ADIRF: variants seen among roughly 807,000 people sequenced by gnomAD.
ADIRF encodes the protein adipogenesis factor rich in obesity.
Under a neutral mutation model 7.8 loss-of-function variants are expected in ADIRF, and 9 were observed. The ratio of observed to expected loss-of-function variants is 1.15; its 90% CI spans 0.70 to 2.01. The LOEUF (loss-of-function observed/expected upper bound fraction) is 2.01. Ranked by LOEUF, ADIRF falls within the 30% of genes most tolerant of loss-of-function variation. The probability of loss-of-function intolerance (pLI) is 0.00; values close to 1 mark genes in which losing one functional copy is unlikely to be tolerated. For synonymous variants in ADIRF, 48 were observed against 39.9 expected (o/e 1.20, Z -0.77); for missense variants, 106 against 98.1 (o/e 1.08, Z -0.34).
intron 2 of ADIRF, 43 bp downstream of exon 2, chr10:86,970,305 C>A (rs1315982917): frequency 6.7e-7 from 1 of 1,496,786 alleles, no homozygotes; most frequent in Non-Finnish European, 9.0e-7. Context: ...CAGCACACCT[C>A]CCACTCCCCG....
Position 86,970,636 on chromosome 10 carries a change from A to G in ADIRF, c.*54A>G, listed in dbSNP as rs1564741985. 2.7e-6 allele frequency: 4 copies of G among 1,464,260 alleles called. No individual in the cohort carries two copies. Among genetic ancestry groups the G allele is most frequent in the South Asian group, 2.4e-5 (2 of 82,950 alleles). The allele number at this position is 1,464,260 out of a possible 1,614,324, so 90.7% of individuals were successfully genotyped here. A position where few individuals can be genotyped will look rare whatever the true frequency, so the allele number is the denominator to read the frequency against. On this transcript the variant is annotated 3_prime_UTR_variant, in exon 3 of 3. Transcript: ENST00000372013. Reference sequence around the variant, plus strand: ...AAATGACAGCAGGGAGACTTGGGTGACCCCCCTTCCAGGCGCCATCTAGCA... The same window carrying G: ...AAATGACAGCAGGGAGACTTGGGTGGCCCCCCTTCCAGGCGCCATCTAGCA...
rs1428772445 is a variant in ADIRF, at chr10:86,970,382, G to A, written c.125-94G>A. 4 of 1,509,578 alleles carry A rather than the reference G, an allele frequency of 2.6e-6. No homozygotes were observed. The South Asian group carries it at 3.6e-5, about 14-fold the overall frequency. The allele number at this position is 1,509,578 out of a possible 1,614,324, so 93.5% of individuals were successfully genotyped here. A position where few individuals can be genotyped will look rare whatever the true frequency, so the allele number is the denominator to read the frequency against. On this transcript the variant is annotated intron_variant, in intron 2 of 2. Transcript: ENST00000372013. ...GAGCCCTCTGTCCACAATGCCCCAA[G>A]CAGGTCCCCCGGGAGACCCAGGCCA...
intron 1 of ADIRF, 31 bp downstream of exon 1, chr10:86,968,636 C>CAGGG (rs1487405993): frequency 1.9e-6 from 3 of 1,603,862 alleles, no homozygotes; most frequent in Non-Finnish European, 2.6e-6. Flanking sequence ...AGGGCTCAGG[C>CAGGG]AGGGGCACCT....
At position 86,968,542 on chromosome 10, in the gene ADIRF, G is replaced by T. The variant is rs368735201; in HGVS notation, c.-3G>T. The T allele has an allele frequency of 2.6e-5, 42 of 1,613,510 alleles. No individual in the cohort carries two copies. In the African/African-American group the frequency reaches 5.5e-4, roughly 21 times the overall value. ...TTGACGACTCCACAGATACCCCGAA[G>T]CCATGGCAAGCAAGGGCTTGCAGGA... is the stretch of plus-strand genomic sequence containing the variant. On this transcript the variant is annotated 5_prime_UTR_variant, in exon 1 of 3. Coordinates refer to ENST00000372013, the MANE Select transcript of ADIRF (RefSeq NM_006829.3).
At position 86,970,603 on chromosome 10, in the gene ADIRF, G is replaced by GAC; in HGVS notation, c.*21_*22insAC. 1 of 1,582,868 alleles carries GAC rather than the reference G, an allele frequency of 6.3e-7. No homozygotes were observed. Among genetic ancestry groups the GAC allele is most frequent in the Non-Finnish European group, 8.6e-7 (1 of 1,158,624 alleles). The stretch of plus-strand genomic sequence containing the variant: ...AATGACAGCAGGGAGACTTGGGTCG[G>GAC]CCTCCTGAAATGACAGCAGGGAGAC... On this transcript the variant is annotated 3_prime_UTR_variant, in exon 3 of 3. Coordinates refer to ENST00000372013, the MANE Select transcript of ADIRF (RefSeq NM_006829.3).
chr10:86,970,618 A>G lies in ADIRF; in HGVS notation c.*36A>G. ...ACTTGGGTCGGCCTCCTGAAATGAC[A>G]GCAGGGAGACTTGGGTGACCCCCCT... On this transcript the variant is annotated 3_prime_UTR_variant, in exon 3 of 3. Transcript: ENST00000372013. 2.6e-6 allele frequency: 4 copies of G among 1,532,684 alleles called. No individual in the cohort carries two copies. Among genetic ancestry groups the G allele is most frequent in the South Asian group, 1.2e-5 (1 of 85,734 alleles). The allele number at this position is 1,532,684 out of a possible 1,614,324, so 94.9% of individuals were successfully genotyped here.
chr10:86,970,489 G>A lies in ADIRF; in HGVS notation c.138G>A (p.Leu46=), dbSNP rs774487252. The A allele has an allele frequency of 4.3e-6, 7 of 1,613,160 alleles. No homozygotes were observed. In the Admixed American group the frequency reaches 1.2e-4, roughly 27 times the overall value. ...TEAGQKAMDQ[L]AKTTQETIDK... The stretch of plus-strand genomic sequence containing the variant: ...GCCCTTCCCCAGCCATGGACCAGCT[G>A]GCCAAGACCACCCAGGAAACCATCG... Residue 46 remains leucine, a synonymous_variant, in exon 3 of 3, where the codon CTG becomes CTA. Coordinates refer to ENST00000372013, the MANE Select transcript of ADIRF (RefSeq NM_006829.3).
At position 86,968,605 on chromosome 10, in the gene ADIRF, G is replaced by T; in HGVS notation, c.61G>T (p.Val21Leu). The T allele has an allele frequency of 6.2e-7, 1 of 1,612,990 alleles. No individual in the cohort carries two copies. The highest frequency in any genetic ancestry group is 8.5e-7 in the Non-Finnish European group (1 of 1,179,696). Residue 21 changes from valine (V) to leucine (L), a missense_variant and splice_region_variant, in exon 1 of 3, where the codon GTG (valine) becomes TTG (leucine). Transcript: ENST00000372013. ...QQVEGTAQEA[V>L]SAAGAAAQQV... ...GGTGGAGGGGACCGCCCAGGAAGCC[G>T]GTGAGGATAGCGCGCGACCTAGGGC...
chr10:86,970,646 C>T lies in ADIRF; in HGVS notation c.*64C>T. The T allele has an allele frequency of 7.4e-7, 1 of 1,356,728 alleles. No individual in the cohort carries two copies. Among genetic ancestry groups the T allele is most frequent in the Non-Finnish European group, 1.0e-6 (1 of 966,846 alleles). The allele number at this position is 1,356,728 out of a possible 1,614,324, so 84.0% of individuals were successfully genotyped here. A position where few individuals can be genotyped will look rare whatever the true frequency, so the allele number is the denominator to read the frequency against. The stretch of plus-strand genomic sequence containing the variant: ...AGGGAGACTTGGGTGACCCCCCTTC[C>T]AGGCGCCATCTAGCACAGCCTGGCC... On this transcript the variant is annotated 3_prime_UTR_variant, in exon 3 of 3. Transcript: ENST00000372013.
intron 2 of ADIRF, 81 bp downstream of exon 2, chr10:86,970,343 T>C: frequency 6.6e-7 from 1 of 1,512,056 alleles, no homozygotes; most frequent in Non-Finnish European, 8.9e-7. Flanking sequence ...CCCAGGCACA[T>C]CCTCTCCTCT....
rs1362110310 is a variant in ADIRF, at chr10:86,970,773, C to T, written c.*191C>T. On this transcript the variant is annotated 3_prime_UTR_variant, in exon 3 of 3. Coordinates refer to ENST00000372013, the MANE Select transcript of ADIRF (RefSeq NM_006829.3). ...TGATTCCTCGCAAGCTGGGCCCAGT[C>T]CTCTCATCCCAAGAGCAGAGCCACC... 1.5e-6 allele frequency: 1 copy of T among 662,966 alleles called. No individual in the cohort carries two copies. Among genetic ancestry groups the T allele is most frequent in the Non-Finnish European group, 2.8e-6 (1 of 361,142 alleles). 41.1% of individuals were successfully genotyped at this position (662,966 alleles called of 1,614,324 possible).
In ADIRF at chr10:86,968,599, G is replaced by A. The variant is rs750656455; in HGVS notation, c.55G>A (p.Glu19Lys). Residue 19 changes from glutamate to lysine, a missense_variant, in exon 1 of 3, where the codon GAA becomes AAA. Coordinates refer to ENST00000372013, the MANE Select transcript of ADIRF (RefSeq NM_006829.3). ...LKQQVEGTAQ[E>K]AVSAAGAAAQ... Reference sequence around the variant, plus strand: ...GCAACAGGTGGAGGGGACCGCCCAGGAAGCCGGTGAGGATAGCGCGCGACC... The same window carrying A: ...GCAACAGGTGGAGGGGACCGCCCAGAAAGCCGGTGAGGATAGCGCGCGACC... The A allele has an allele frequency of 1.9e-5, 30 of 1,613,114 alleles. No individual in the cohort carries two copies. Among genetic ancestry groups the A allele is most frequent in the South Asian group, 5.5e-5 (5 of 91,014 alleles).
chr10:86,970,405 C>A, intron 2 of ADIRF, 71 bp from the exon 3 acceptor site: 1 of 1,519,968 alleles, frequency 6.6e-7, no homozygotes. Context: ...GAGACCCAGG[C>A]CAGGCTAAGC....
At position 86,968,483 on chromosome 10, in the gene ADIRF, C is replaced by G; in HGVS notation, c.-62C>G. On this transcript the variant is annotated 5_prime_UTR_variant, in exon 1 of 3. Coordinates refer to ENST00000372013, the MANE Select transcript of ADIRF (RefSeq NM_006829.3). ...CCGGAGCTGGCGCTTGGCATCGCCA[C>G]TCTGGGCAGGATCCAACGTCGCTCC... The G allele has an allele frequency of 6.2e-7, 1 of 1,601,368 alleles. No individual in the cohort carries two copies. Among genetic ancestry groups the G allele is most frequent in the Non-Finnish European group, 8.5e-7 (1 of 1,171,568 alleles).
rs1844583497 is a variant in ADIRF at position 86,970,697 on chromosome 10, C to G, written c.*115C>G. On this transcript the variant is annotated 3_prime_UTR_variant, in exon 3 of 3. Coordinates refer to ENST00000372013, the MANE Select transcript of ADIRF (RefSeq NM_006829.3). ...CTGATCTCCGGGCAGCCACCACCTC[C>G]TCGGTCTGCCCCCTCATTAAAATTC... The G allele has an allele frequency of 1.2e-6, 1 of 856,292 alleles. No individual in the cohort carries two copies. Among genetic ancestry groups the G allele is most frequent in the Non-Finnish European group, 1.9e-6 (1 of 515,114 alleles). The allele number at this position is 856,292 out of a possible 1,614,324, so 53.0% of individuals were successfully genotyped here.
chr10:86,970,449 C>G, intron 2 of ADIRF, 27 bp from the exon 3 acceptor site: 2 of 1,597,402 alleles, frequency 1.3e-6, no homozygotes, highest in Non-Finnish European at 1.7e-6. Flanking sequence ...CCCTGCCTGA[C>G]CTGCCCTCTC....
Position 86,969,833 on chromosome 10 carries a change from G to T in ADIRF, c.62-367G>T, listed in dbSNP as rs113088058. On this transcript the variant is annotated intron_variant, in intron 1 of 2. Transcript: ENST00000372013. ...TTCTAGGGGAGAAGCTGTAAAAGGG[G>T]GCAAGGGTCTTCTGCGCCATCACCA... is the stretch of plus-strand genomic sequence containing the variant. 1,403 of 169,904 alleles carry T rather than the reference G, an allele frequency of 8.3e-3. 25 individuals carry two copies. Among genetic ancestry groups the T allele is most frequent in the African/African-American group, 0.032 (1,343 of 42,240 alleles). 10.5% of individuals were successfully genotyped at this position (169,904 alleles called of 1,614,324 possible).
At chr10:86,969,670 T>A (rs996269634) in intron 1 of ADIRF, 3 of 152,390 alleles carry the variant, frequency 2.0e-5, no homozygotes, top group African/African-American at 7.2e-5. Flanking sequence ...TTAAGCTGCC[T>A]GTCCACAGAG....
At chr10:86,970,404 G>A in intron 2 of ADIRF, 72 bp from the exon 3 acceptor site, 1 of 1,520,948 alleles carries the variant, frequency 6.6e-7, no homozygotes, top group Non-Finnish European at 9.0e-7. Context: ...GGAGACCCAG[G>A]CCAGGCTAAG....
Sources: gnomAD v4.1 joint callset for allele counts on GRCh38, gnomAD v4.1.1 for gene constraint, MANE v1.5 for transcripts, NCBI Gene and HGNC (gene_info 2026-07-23, HGNC 2026-07-21) for gene names.